The following NBPF20 variants were observed in gnomAD, a reference collection of about 807,000 sequenced individuals.
NBPF20 encodes NBPF member 20, also known as NBPF family member NBPF20.
In NBPF20, 90 loss-of-function variants were observed where a neutral mutation model predicts 68.1. The observed-to-expected ratio is 1.32, with a 90% CI of 1.11 to 1.58. The LOEUF (loss-of-function observed/expected upper bound fraction) is 1.58. Ranked by LOEUF, NBPF20 falls within the 40% of genes most tolerant of loss-of-function variation. The probability of loss-of-function intolerance (pLI) is 0.00; values close to 1 mark genes in which losing one functional copy is unlikely to be tolerated. For synonymous variants in NBPF20, 290 were observed against 228.1 expected, an observed-to-expected ratio of 1.27 and a Z score of -2.45; for missense variants, 816 against 601.2, an observed-to-expected ratio of 1.36 and a Z score of -3.74.
chr1:145,416,397 C>T, the NBPF20 span, among the ~76,000 whole-genome samples: 1 of 133,808 alleles, frequency 7.5e-6, no homozygotes, highest in African/African-American at 2.8e-5. Flanking sequence ...ACACAATAGT[C>T]CACTATATAA....
At chr1:145,393,452 CACACAA>C (rs1480065732) in intron 9 of NBPF20, among the ~76,000 whole-genome samples, 1 of 118,670 alleles carries the variant, frequency 8.4e-6, no homozygotes, top group African/African-American at 3.1e-5. Flanking sequence ...CTCACACACA[CACACAA>C]ACACACACAC....
the NBPF20 span, among the ~76,000 whole-genome samples, chr1:145,424,085 CCCA>C: frequency 6.9e-6 from 1 of 145,856 alleles, no homozygotes; most frequent in Admixed American, 6.9e-5. Context: ...TGGTGATCCT[CCCA>C]CCTCAGCCTA....
intron 8 of NBPF20, 70 bp downstream of exon 13, chr1:145,394,908 G>T: frequency 6.5e-7 from 1 of 1,537,210 alleles, no homozygotes; most frequent in Non-Finnish European, 9.0e-7. Flanking sequence ...AGGGGCACAA[G>T]GCCCAAAGAT....
chr1:145,407,534 T>C (rs1251244871), upstream of NBPF20, among the ~76,000 whole-genome samples: 252 of 146,998 alleles, frequency 1.7e-3, 4 homozygotes, highest in Non-Finnish European at 2.5e-3. Flanking sequence ...CGTGTATATA[T>C]ATAATACGTG....
At chr1:145,292,459 C>G (rs782152276) in exon 137 of NBPF20, 4 of 717,636 alleles carry the variant, frequency 5.6e-6, no homozygotes, top group Non-Finnish European at 9.9e-6. Context: ...TCTTCCCCTT[C>G]TTTTCTTCCC....
At chr1:145,409,218 T>G (rs1662915544), upstream of NBPF20, among the ~76,000 whole-genome samples, 6 of 152,058 alleles carry the variant, frequency 3.9e-5, no homozygotes, top group South Asian at 1.0e-3. Context: ...CCATCTGTAA[T>G]GTCTCGTAAA....
At chr1:145,398,731 C>A (rs1662375493) in intron 7 of NBPF20, among the ~76,000 whole-genome samples, 2 of 151,596 alleles carry the variant, frequency 1.3e-5, no homozygotes, top group Non-Finnish European at 2.9e-5. Flanking sequence ...AAGATCAGAG[C>A]AGAACTAAAG....
the NBPF20 span, among the ~76,000 whole-genome samples, chr1:145,416,099 T>C: frequency 1.3e-4 from 20 of 151,260 alleles, no homozygotes; most frequent in South Asian, 6.3e-4. Context: ...CCGTTGCATT[T>C]GAGCCCAAGG....
exon 138 of NBPF20, chr1:145,291,547 C>G (rs369339038): frequency 2.5e-6 from 4 of 1,612,026 alleles, no homozygotes; most frequent in African/African-American, 1.3e-5. Context: ...ATATGACTCC[C>G]ATCTGGAACA....
At chr1:145,292,476 C>A (rs782075132) in exon 137 of NBPF20, 6 of 716,612 alleles carry the variant, frequency 8.4e-6, no homozygotes, top group Admixed American at 2.0e-5. Flanking sequence ...TCCCCTTCCC[C>A]TTCTTTTCAA....
At chr1:145,418,188 CA>C in the NBPF20 span, among the ~76,000 whole-genome samples, 5 of 135,730 alleles carry the variant, frequency 3.7e-5, no homozygotes, top group Non-Finnish European at 6.4e-5. Context: ...GAGTGGTTGT[CA>C]GGGGTGGAGG....
chr1:145,292,165 T>TAA (rs1661157225), intron 137 of NBPF20, among the ~76,000 whole-genome samples: 2 of 149,904 alleles, frequency 1.3e-5, no homozygotes, highest in Non-Finnish European at 2.9e-5. Context: ...AGAGTACAGC[T>TAA]TTTGAAGTAT....
chr1:145,307,696 ACC>A, intron 117 of NBPF20, 47 bp from the exon 123 acceptor site: 1 of 22,690 alleles, frequency 4.4e-5, no homozygotes, highest in East Asian at 1.0e-3. Flanking sequence ...GGAATCAGAA[ACC>A]ACACAGCCCC....
At chr1:145,423,202 GC>G in the NBPF20 span, among the ~76,000 whole-genome samples, 1 of 147,100 alleles carries the variant, frequency 6.8e-6, no homozygotes. Context: ...ACTTTGGGAG[GC>G]CGAGGCAGAT....
rs1448013056 is a variant in NBPF20, at chr1:145,392,785, C to G, written c.1216+289G>C. 2.2e-5 allele frequency among the ~76,000 whole-genome samples: 2 copies of G among 91,384 alleles called. 1 individual carries two copies. Among genetic ancestry groups the G allele is most frequent in the Non-Finnish European group, 3.9e-5 (2 of 51,804 alleles). 60.0% of individuals were successfully genotyped at this position (91,384 alleles called of 152,430 possible). On this transcript the variant is annotated intron_variant, in intron 10 of 137. Coordinates refer to ENST00000369373, the Ensembl canonical transcript of NBPF20. ...ATCTACAAGATCTACAAAATTGAGACAAAATCAGAGTTGTGTGAATTTGTC... is the reference window on the plus strand; with the variant it reads ...ATCTACAAGATCTACAAAATTGAGAGAAAATCAGAGTTGTGTGAATTTGTC...
chr1:145,352,355 C>T lies in NBPF20; in HGVS notation c.7350-266G>A, dbSNP rs1468589330. 5.3e-3 allele frequency among the ~76,000 whole-genome samples: 357 copies of T among 67,554 alleles called. 2 individuals carry two copies. The highest frequency in any genetic ancestry group is 0.019 in the African/African-American group (331 of 17,084). 44.3% of individuals were successfully genotyped at this position (67,554 alleles called of 152,430 possible). A position where few individuals can be genotyped will look rare whatever the true frequency, so the allele number is the denominator to read the frequency against. ...GACACACACACACACACAGAGAGAACGAGCTCAGTGAATTGTCCAGGTGAC... is the reference window on the plus strand; with the variant it reads ...GACACACACACACACACAGAGAGAATGAGCTCAGTGAATTGTCCAGGTGAC... On this transcript the variant is annotated intron_variant, in intron 61 of 137. Transcript: ENST00000369373.
intron 8 of NBPF20, among the ~76,000 whole-genome samples, chr1:145,394,260 A>G (rs1465410000): frequency 6.6e-6 from 1 of 151,494 alleles, no homozygotes; most frequent in Non-Finnish European, 1.5e-5. Flanking sequence ...GAGACACTTC[A>G]ATATTAAGCT....
At chr1:145,292,332 C>A in intron 137 of NBPF20, 49 bp downstream of exon 142, 1 of 641,036 alleles carries the variant, frequency 1.6e-6, no homozygotes, top group Non-Finnish European at 2.8e-6. Context: ...GAATCTGTTG[C>A]CTCCAGGTGT....
the NBPF20 span, among the ~76,000 whole-genome samples, chr1:145,419,415 A>G: frequency 6.6e-6 from 1 of 152,184 alleles, no homozygotes. Flanking sequence ...TCCTCCTCTG[A>G]AACACATAAT....
Sources: gnomAD v4.1 joint callset for allele counts (sites outside exome capture counted in the v4.1 genomes callset) on GRCh38, gnomAD v4.1.1 for gene constraint, MANE v1.5 for transcripts, NCBI Gene and HGNC (gene_info 2026-07-23, HGNC 2026-07-21) for gene names.